CMPK1: variants seen among roughly 807,000 people sequenced by gnomAD.
The protein encoded by CMPK1 is cytidine/uridine monophosphate kinase 1.
Under a neutral mutation model 25.7 loss-of-function variants are expected in CMPK1, and 10 were observed. That is an observed-to-expected ratio of 0.39 (90% CI 0.24 to 0.66). The LOEUF (loss-of-function observed/expected upper bound fraction) is 0.66. Ranked by LOEUF, CMPK1 falls within the 30% of genes least tolerant of loss-of-function variation. The pLI is 0.48. For synonymous variants in CMPK1, 106 were observed against 101.5 expected (o/e 1.04, Z -0.27); for missense variants, 199 against 280.5 (o/e 0.71, Z 2.08).
intron 1 of CMPK1, 66 bp from the exon 2 acceptor site, chr1:47,368,400 GAAA>G (rs926543038): frequency 3.0e-6 from 4 of 1,329,338 alleles, no homozygotes; most frequent in Non-Finnish European, 4.0e-6. Flanking sequence ...TAACACAAAG[GAAA>G]AAAAGTATAG....
chr1:47,334,687 C>G (rs904666279), intron 1 of CMPK1, among the ~76,000 whole-genome samples: 2 of 152,208 alleles, frequency 1.3e-5, no homozygotes, highest in Non-Finnish European at 2.9e-5. Flanking sequence ...CTCTCGAGCC[C>G]CGTCCCCGCA....
At chr1:47,351,114 C>T (rs1257982414) in intron 1 of CMPK1, among the ~76,000 whole-genome samples, 8 of 152,026 alleles carry the variant, frequency 5.3e-5, no homozygotes, top group Middle Eastern at 3.2e-3. Context: ...GACGGAGTCT[C>T]GCTTTGTTGC....
chr1:47,366,798 C>T (rs902391981), intron 1 of CMPK1, among the ~76,000 whole-genome samples: 4 of 152,100 alleles, frequency 2.6e-5, no homozygotes, highest in African/African-American at 9.7e-5. Flanking sequence ...GATCTTGGCT[C>T]ACTGCAACTT....
At chr1:47,339,801 G>A (rs1190414571) in intron 1 of CMPK1, among the ~76,000 whole-genome samples, 1 of 146,540 alleles carries the variant, frequency 6.8e-6, no homozygotes, top group East Asian at 2.1e-4. Flanking sequence ...TCCGCTTCCC[G>A]GGTTCAAGCG....
chr1:47,336,958 A>G (rs1259315822), intron 1 of CMPK1, among the ~76,000 whole-genome samples: 1 of 152,208 alleles, frequency 6.6e-6, no homozygotes, highest in East Asian at 1.9e-4. Context: ...TAAATTAATA[A>G]TACCCATACT....
At chr1:47,346,576 T>C (rs913241817) in intron 1 of CMPK1, among the ~76,000 whole-genome samples, 10 of 151,910 alleles carry the variant, frequency 6.6e-5, no homozygotes, top group Non-Finnish European at 4.4e-5. Context: ...CGATCTCAAC[T>C]CACTGCAACC....
At chr1:47,364,917 C>G (rs1363163586) in intron 1 of CMPK1, among the ~76,000 whole-genome samples, 3 of 151,930 alleles carry the variant, frequency 2.0e-5, no homozygotes, top group Non-Finnish European at 4.4e-5. Flanking sequence ...TGCACATAGC[C>G]TTGCCCAGCA....
intron 1 of CMPK1, among the ~76,000 whole-genome samples, chr1:47,350,319 C>T (rs1646514123): frequency 6.6e-6 from 1 of 152,076 alleles, no homozygotes; most frequent in Admixed American, 6.6e-5. Flanking sequence ...TCATTGAAGC[C>T]TCTACTTTTC....
At chr1:47,349,543 A>G (rs1646507493) in intron 1 of CMPK1, among the ~76,000 whole-genome samples, 1 of 152,190 alleles carries the variant, frequency 6.6e-6, no homozygotes, top group Admixed American at 6.6e-5. Context: ...CTTCTTTGCT[A>G]TTCTGTAGCG....
chr1:47,341,310 C>T (rs1474302048), intron 1 of CMPK1, among the ~76,000 whole-genome samples: 1 of 152,142 alleles, frequency 6.6e-6, no homozygotes, highest in African/African-American at 2.4e-5. Context: ...CTGACTGTAT[C>T]ATAGATATCC....
intron 1 of CMPK1, among the ~76,000 whole-genome samples, chr1:47,361,950 A>G (rs1373700732): frequency 6.7e-6 from 1 of 148,814 alleles, no homozygotes; most frequent in East Asian, 2.0e-4. Context: ...GGCTCACCAC[A>G]ACCTCCGCCT....
At chr1:47,340,414 C>G (rs1029499073) in intron 1 of CMPK1, among the ~76,000 whole-genome samples, 4 of 151,980 alleles carry the variant, frequency 2.6e-5, no homozygotes, top group Admixed American at 2.0e-4. Context: ...GGGATTGCAT[C>G]GTAAGCCAGC....
At chr1:47,367,543 A>G (rs1219384056) in intron 1 of CMPK1, among the ~76,000 whole-genome samples, 2 of 152,222 alleles carry the variant, frequency 1.3e-5, no homozygotes, top group Non-Finnish European at 2.9e-5. Context: ...TAAAGATAAC[A>G]TTTAATTTAT....
intron 1 of CMPK1, among the ~76,000 whole-genome samples, chr1:47,368,116 ATTT>A (rs939310422): frequency 2.0e-5 from 3 of 151,774 alleles, no homozygotes; most frequent in Non-Finnish European, 2.9e-5. Context: ...TGCCTGGCTA[ATTT>A]TTGTGTTTTT....
chr1:47,358,743 A>C, intron 1 of CMPK1: 2 of 984,646 alleles, frequency 2.0e-6, no homozygotes, highest in Non-Finnish European at 2.4e-6. Flanking sequence ...TTATTTCCCC[A>C]TTAGTTTGAT....
At chr1:47,350,496 C>T (rs1334623584) in intron 1 of CMPK1, among the ~76,000 whole-genome samples, 1 of 152,108 alleles carries the variant, frequency 6.6e-6, no homozygotes, top group Non-Finnish European at 1.5e-5. Flanking sequence ...AAGTGATCTG[C>T]CTGTCTTAGC....
chr1:47,335,692 T>TA (rs1646393131), intron 1 of CMPK1, among the ~76,000 whole-genome samples: 1 of 151,090 alleles, frequency 6.6e-6, no homozygotes, highest in Non-Finnish European at 1.5e-5. Context: ...CTAGTCCAAC[T>TA]AAAAAAATAC....
chr1:47,377,135 T>G lies in CMPK1; in HGVS notation c.*390T>G. On this transcript the variant is annotated 3_prime_UTR_variant, in exon 6 of 6. Coordinates refer to ENST00000371873, the MANE Select transcript of CMPK1 (RefSeq NM_016308.3). ...CCTCTTTTTCTTGCAAGTTTTAAAT[T>G]TCCAACCTTAAGTGAATTTGTGGAC... is the stretch of plus-strand genomic sequence containing the variant. 1 of 155,448 alleles carries G rather than the reference T, an allele frequency of 6.4e-6. No homozygotes were observed. Among genetic ancestry groups the G allele is most frequent in the Non-Finnish European group, 1.4e-5 (1 of 69,876 alleles). The allele number at this position is 155,448 out of a possible 1,614,324, so 9.6% of individuals were successfully genotyped here.
chr1:47,364,604 A>G (rs1484291972), intron 1 of CMPK1, among the ~76,000 whole-genome samples: 1 of 150,226 alleles, frequency 6.7e-6, no homozygotes, highest in African/African-American at 2.4e-5. Flanking sequence ...GGTGTGAGCC[A>G]CCATGCCCAG....
Sources: gnomAD v4.1 joint callset for allele counts (sites outside exome capture counted in the v4.1 genomes callset) on GRCh38, gnomAD v4.1.1 for gene constraint, MANE v1.5 for transcripts, NCBI Gene and HGNC (gene_info 2026-07-23, HGNC 2026-07-21) for gene names.